SMO: variants seen among roughly 807,000 people sequenced by gnomAD.
The protein encoded by SMO is protein smoothened.
SMO carries 40 observed loss-of-function variants against 81.6 expected under a neutral mutation model. That is an observed-to-expected ratio of 0.49 (90% confidence interval 0.38 to 0.64). SMO has a LOEUF of 0.64. Among genes scored for constraint, SMO ranks in the 30% least tolerant of loss-of-function variants. The pLI, the probability that SMO is intolerant of heterozygous loss-of-function variation, is 0.00. For synonymous variants in SMO, 434 were observed against 432.1 expected (o/e 1.00, Z -0.05); for missense variants, 916 against 1,061.1 (o/e 0.86, Z 1.90).
chr7:129,189,520 G>T lies in SMO; in HGVS notation c.331+38G>T, dbSNP rs550222586. Reference sequence around the variant, plus strand: ...GAGCCGGGTCTGGGGGGCGGGAGGTGCCGCGGTAAGATGGGGGCACCCTTG... The same window carrying T: ...GAGCCGGGTCTGGGGGGCGGGAGGTTCCGCGGTAAGATGGGGGCACCCTTG... On this transcript the variant is annotated intron_variant, in intron 1 of 11. Coordinates refer to ENST00000249373, the MANE Select transcript of SMO (RefSeq NM_005631.5). The surrounding 1 kb of genome is among the most constrained non-coding windows in gnomAD (Gnocchi z 4.7). 8.7e-5 allele frequency: 133 copies of T among 1,532,686 alleles called. 1 individual carries two copies. In the South Asian group the frequency reaches 1.4e-3, roughly 16 times the overall value. 94.9% of individuals were successfully genotyped at this position (1,532,686 alleles called of 1,614,324 possible).
At position 129,212,624 on chromosome 7, in the gene SMO, G is replaced by A. The variant is rs1367961695; in HGVS notation, c.*173G>A. The A allele has an allele frequency of 1.5e-6, 1 of 649,748 alleles. No homozygotes were observed. Among genetic ancestry groups the A allele is most frequent in the East Asian group, 2.7e-5 (1 of 36,434 alleles). 40.2% of individuals were successfully genotyped at this position (649,748 alleles called of 1,614,324 possible). A position where few individuals can be genotyped will look rare whatever the true frequency, so the allele number is the denominator to read the frequency against. ...CAAAGCAGCAGGACTGTGGGAAAGA[G>A]CCTAACATCTCCATGGGGAGGCCTC... On this transcript the variant is annotated 3_prime_UTR_variant, in exon 12 of 12. Transcript: ENST00000249373. This position sits in a 1 kb window ranked among gnomAD's most constrained non-coding sequence, Gnocchi z 5.0.
intron 1 of SMO, among the ~76,000 whole-genome samples, chr7:129,199,185 T>TTTC (rs1554461027): frequency 6.7e-6 from 1 of 149,158 alleles, no homozygotes; most frequent in African/African-American, 2.4e-5. Flanking sequence ...TTCTTTTCTT[T>TTTC]TTTTTTTTTT....
intron 1 of SMO, among the ~76,000 whole-genome samples, chr7:129,200,049 T>G (rs984709886): frequency 6.6e-6 from 1 of 152,208 alleles, no homozygotes; most frequent in Non-Finnish European, 1.5e-5. Flanking sequence ...TTTTCTGAAG[T>G]CTTTTGTTTA....
chr7:129,210,265 A>G lies in SMO; in HGVS notation c.1467-98A>G, dbSNP rs534413403. On this transcript the variant is annotated intron_variant, in intron 8 of 11. Coordinates refer to ENST00000249373, the MANE Select transcript of SMO (RefSeq NM_005631.5). This position sits in a 1 kb window ranked among gnomAD's most constrained non-coding sequence, Gnocchi z 4.7. ...AGCTGCAGTGGGTTGTGATCACGCC[A>G]CCGCACTCTAGCCTGGGTGACAGAG... 6.3e-4 allele frequency: 646 copies of G among 1,018,120 alleles called. 1 individual carries two copies. Among genetic ancestry groups the G allele is most frequent in the Non-Finnish European group, 8.5e-4 (566 of 664,232 alleles). 63.1% of individuals were successfully genotyped at this position (1,018,120 alleles called of 1,614,324 possible). A position where few individuals can be genotyped will look rare whatever the true frequency, so the allele number is the denominator to read the frequency against.
rs1793444191 is a variant in SMO, at chr7:129,189,228, C to A, written c.77C>A (p.Pro26Gln). The A allele has an allele frequency of 8.5e-7, 1 of 1,177,692 alleles. No individual in the cohort carries two copies. Among genetic ancestry groups the A allele is most frequent in the Non-Finnish European group, 1.1e-6 (1 of 940,624 alleles). 73.0% of individuals were successfully genotyped at this position (1,177,692 alleles called of 1,614,324 possible). ...CTGCTGCTGCTGCTGCTGGGGGACCCGGGCCGGGGGGCGGCCTCGAGCGGG... is the reference window on the plus strand; with the variant it reads ...CTGCTGCTGCTGCTGCTGGGGGACCAGGGCCGGGGGGCGGCCTCGAGCGGG... ...GLLLLLLLGD[P>Q]GRGAASSGNA... Residue 26 changes from proline to glutamine, a missense_variant, in exon 1 of 12, where the codon CCG becomes CAG. Physicochemically the swap from Pro to Gln is moderately conservative, Grantham distance 76. This residue lies in a region of SMO where 146 missense variants were observed against 149.9 expected (regional missense o/e 0.97). Transcript: ENST00000249373. The surrounding 1 kb of genome is among the most constrained non-coding windows in gnomAD (Gnocchi z 4.7).
At position 129,211,103 on chromosome 7, in the gene SMO, C is replaced by T. The variant is rs150159670; in HGVS notation, c.1791C>T (p.Asp597=). The change falls in exon 10 of 12, where the codon GAC becomes GAT. Residue 597 remains aspartate (D), a synonymous_variant. Transcript: ENST00000249373. This position sits in a 1 kb window ranked among gnomAD's most constrained non-coding sequence, Gnocchi z 4.6. ...LSFSMHTVSH[D]GPVAGLAFDL... ...TCAGCATGCACACTGTGTCCCACGA[C>T]GGGCCCGTGGGTGAGCCTCACCCCT... is the stretch of plus-strand genomic sequence containing the variant. The T allele has an allele frequency of 3.4e-5, 54 of 1,607,474 alleles. No individual in the cohort carries two copies. The East Asian group carries it at 3.8e-4, about 11-fold the overall frequency.
rs1282154899 is a variant in SMO at position 129,205,408 on chromosome 7, C to T, written c.743C>T (p.Thr248Ile). The change falls in exon 3 of 12, where the codon ACC (threonine) becomes ATC (isoleucine). Residue 248 changes from threonine to isoleucine, a missense_variant. Thr to Ile is a moderately conservative substitution (Grantham distance 89). Transcript: ENST00000249373. ...GAVTGLCTLF[T>I]LATFVADWRN... ...GTCACGGGCCTCTGCACGCTCTTCA[C>T]CCTGGTCAGCCGCGGGAGGGCAGGC... 2 of 1,607,802 alleles carry T rather than the reference C, an allele frequency of 1.2e-6. No homozygotes were observed. Among genetic ancestry groups the T allele is most frequent in the South Asian group, 1.1e-5 (1 of 90,396 alleles).
rs1409091006 is a variant in SMO at position 129,189,454 on chromosome 7, A to G, written c.303A>G (p.Glu101=). Residue 101 remains glutamate, a synonymous_variant, in exon 1 of 12, where the codon GAA becomes GAG. Coordinates refer to ENST00000249373, the MANE Select transcript of SMO (RefSeq NM_005631.5). This position sits in a 1 kb window ranked among gnomAD's most constrained non-coding sequence, Gnocchi z 4.7. ...LLAGDSDSQE[E]AHGKLVLWSG... is the part of the protein sequence containing the mutation. ...CCGGAGACTCGGACTCCCAGGAGGA[A>G]GCGCACGGCAAGCTCGTGCTCTGGT... 5.2e-6 allele frequency: 8 copies of G among 1,538,112 alleles called. No individual in the cohort carries two copies. Among genetic ancestry groups the G allele is most frequent in the East Asian group, 4.9e-5 (2 of 40,902 alleles).
In SMO at chr7:129,211,545, G is replaced by A. The variant is rs1793869997; in HGVS notation, c.1802-91G>A. 2.2e-6 allele frequency: 3 copies of A among 1,388,006 alleles called. No homozygotes were observed. Among genetic ancestry groups the A allele is most frequent in the South Asian group, 1.2e-5 (1 of 84,754 alleles). 86.0% of individuals were successfully genotyped at this position (1,388,006 alleles called of 1,614,324 possible). On this transcript the variant is annotated intron_variant, in intron 10 of 11. Transcript: ENST00000249373. The surrounding 1 kb of genome is among the most constrained non-coding windows in gnomAD (Gnocchi z 4.6). ...CTCTGGTGAGCAGGAGGGACTGGCT[G>A]TGGGAAGATGAATGGCACTGACTAT...
At position 129,189,078 on chromosome 7, in the gene SMO, T is replaced by C. The variant is rs972819167; in HGVS notation, c.-74T>C. On this transcript the variant is annotated 5_prime_UTR_variant, in exon 1 of 12. Transcript: ENST00000249373. The surrounding 1 kb of genome is among the most constrained non-coding windows in gnomAD (Gnocchi z 4.7). ...TGAGCCGCCTCCGCGGCCGCCGAGG[T>C]CGTGCGTGTGGCCGGGGGGCTCCGA... 2.3e-5 allele frequency: 27 copies of C among 1,189,432 alleles called. No homozygotes were observed. Among genetic ancestry groups the C allele is most frequent in the East Asian group, 3.3e-5 (1 of 29,960 alleles). The allele number at this position is 1,189,432 out of a possible 1,614,324, so 73.7% of individuals were successfully genotyped here.
Position 129,213,397 on chromosome 7 carries a change from G to A in SMO, c.*946G>A, listed in dbSNP as rs1481974893. ...AAGCTTCCTTCAACCTGCATAGCCGGTGGGTGAGGAGATTCCCACCTTCCA... is the reference window on the plus strand; with the variant it reads ...AAGCTTCCTTCAACCTGCATAGCCGATGGGTGAGGAGATTCCCACCTTCCA... On this transcript the variant is annotated 3_prime_UTR_variant, in exon 12 of 12. Transcript: ENST00000249373. 3.9e-5 allele frequency: 9 copies of A among 233,072 alleles called. No individual in the cohort carries two copies. Among genetic ancestry groups the A allele is most frequent in the Non-Finnish European group, 5.9e-5 (7 of 117,844 alleles). 14.4% of individuals were successfully genotyped at this position (233,072 alleles called of 1,614,324 possible). A position where few individuals can be genotyped will look rare whatever the true frequency, so the allele number is the denominator to read the frequency against.
chr7:129,202,969 A>G (rs1478200161), intron 1 of SMO, among the ~76,000 whole-genome samples: 2 of 152,226 alleles, frequency 1.3e-5, no homozygotes, highest in African/African-American at 4.8e-5. Flanking sequence ...TGGTTTCCAC[A>G]AGGTGAATAC....
chr7:129,208,940 A>C lies in SMO; in HGVS notation c.1357+89A>C, dbSNP rs1793818105. On this transcript the variant is annotated intron_variant, in intron 7 of 11. Transcript: ENST00000249373. This position sits in a 1 kb window ranked among gnomAD's most constrained non-coding sequence, Gnocchi z 5.2. Reference sequence around the variant, plus strand: ...GCTATGCGACCGGCAGGATGCAGTAAGTCAGTGGGACAAGTTAGCCATAGG... The same window carrying C: ...GCTATGCGACCGGCAGGATGCAGTACGTCAGTGGGACAAGTTAGCCATAGG... 2.3e-6 allele frequency: 2 copies of C among 871,034 alleles called. No homozygotes were observed. The highest frequency in any genetic ancestry group is 1.9e-6 in the Non-Finnish European group (1 of 531,736). The allele number at this position is 871,034 out of a possible 1,614,324, so 54.0% of individuals were successfully genotyped here. A position where few individuals can be genotyped will look rare whatever the true frequency, so the allele number is the denominator to read the frequency against.
Position 129,189,331 on chromosome 7 carries a change from G to A in SMO, c.180G>A (p.Pro60=), listed in dbSNP as rs960785231. ...CGGCGGTGACTGGCCCTCCGCCGCCGCTGAGCCACTGCGGCCGGGCTGCCC... is the reference window on the plus strand; with the variant it reads ...CGGCGGTGACTGGCCCTCCGCCGCCACTGAGCCACTGCGGCCGGGCTGCCC... ...RSAAVTGPPP[P]LSHCGRAAPC... The change falls in exon 1 of 12, where the codon CCG becomes CCA. Residue 60 remains proline (P), a synonymous_variant. Transcript: ENST00000249373. The surrounding 1 kb of genome is among the most constrained non-coding windows in gnomAD (Gnocchi z 4.7). 9.9e-6 allele frequency: 15 copies of A among 1,512,094 alleles called. No homozygotes were observed. The highest frequency in any genetic ancestry group is 2.7e-5 in the East Asian group (1 of 37,634). The allele number at this position is 1,512,094 out of a possible 1,614,324, so 93.7% of individuals were successfully genotyped here.
intron 1 of SMO, among the ~76,000 whole-genome samples, chr7:129,197,207 T>A (rs1489178524): frequency 1.3e-5 from 2 of 152,154 alleles, no homozygotes; most frequent in African/African-American, 4.8e-5. Flanking sequence ...TTATTTATCC[T>A]TATTGCTTTA....
rs775497827 is a variant in SMO, at chr7:129,211,243, C to T, written c.1801+130C>T. ...GTGAGGAGCAAGGCGCTCCCTCCAT[C>T]GCTCACACACCCATTCTTCCCCCGG... On this transcript the variant is annotated intron_variant, in intron 10 of 11. Transcript: ENST00000249373. This position sits in a 1 kb window ranked among gnomAD's most constrained non-coding sequence, Gnocchi z 4.6. 31 of 972,328 alleles carry T rather than the reference C, an allele frequency of 3.2e-5. No individual in the cohort carries two copies. Among genetic ancestry groups the T allele is most frequent in the South Asian group, 4.3e-5 (3 of 70,530 alleles). The allele number at this position is 972,328 out of a possible 1,614,324, so 60.2% of individuals were successfully genotyped here.
chr7:129,190,959 A>G (rs1258093895), intron 1 of SMO, among the ~76,000 whole-genome samples: 1 of 151,966 alleles, frequency 6.6e-6, no homozygotes, highest in Non-Finnish European at 1.5e-5. Context: ...CATTCATGCA[A>G]AAGACTGAAA....
rs142599757 is a variant in SMO at position 129,205,369 on chromosome 7, C to T, written c.704C>T (p.Ala235Val). The T allele has an allele frequency of 9.2e-5, 148 of 1,613,016 alleles. 1 individual carries two copies. In the Middle Eastern group the frequency reaches 1.6e-3, roughly 18 times the overall value. The change falls in exon 3 of 12, where the codon GCG becomes GTG. Residue 235 changes from alanine to valine, a missense_variant. This residue lies in a region of SMO where 436 missense variants were observed against 570.9 expected (regional missense o/e 0.76). Transcript: ENST00000249373. ...CACCAGGACATGCACAGCTACATCG[C>T]GGCCTTCGGGGCCGTCACGGGCCTC... ...AEHQDMHSYIAAFGAVTGLCT... is the reference protein window; with the variant it reads ...AEHQDMHSYIVAFGAVTGLCT...
In SMO at chr7:129,189,430, C is replaced by G. The variant is rs1451270023; in HGVS notation, c.279C>G (p.Ala93=). 3.2e-6 allele frequency: 5 copies of G among 1,538,824 alleles called. No homozygotes were observed. Among genetic ancestry groups the G allele is most frequent in the Non-Finnish European group, 4.4e-6 (5 of 1,146,798 alleles). The part of the protein sequence containing the change: ...LPYGATSTLL[A]GDSDSQEEAH... ...ACGGGGCCACCTCCACACTGCTGGC[C>G]GGAGACTCGGACTCCCAGGAGGAAG... is the stretch of plus-strand genomic sequence containing the variant. The change falls in exon 1 of 12, where the codon GCC becomes GCG. Residue 93 remains alanine (A), a synonymous_variant. Coordinates refer to ENST00000249373, the MANE Select transcript of SMO (RefSeq NM_005631.5). This position sits in a 1 kb window ranked among gnomAD's most constrained non-coding sequence, Gnocchi z 4.7.
Sources: gnomAD v4.1 joint callset for allele counts (sites outside exome capture counted in the v4.1 genomes callset) on GRCh38, gnomAD v4.1.1 for gene constraint, gnomAD v4.1.1 regional missense constraint, Gnocchi (gnomAD v3.1) non-coding constraint, MANE v1.5 for transcripts, NCBI Gene and HGNC (gene_info 2026-07-23, HGNC 2026-07-21) for gene names.